The following BLVRB variants were observed in gnomAD, a reference collection of about 807,000 sequenced individuals.
BLVRB encodes the protein flavin reductase (NADPH).
In BLVRB, 25 loss-of-function variants were observed where a neutral mutation model predicts 21.1. That is an observed-to-expected ratio of 1.19 (90% CI 0.86 to 1.66). The LOEUF is 1.66. Ranked by LOEUF, BLVRB falls within the 40% of genes most tolerant of loss-of-function variation. The probability of loss-of-function intolerance (pLI) is 0.00; values close to 1 mark genes in which losing one functional copy is unlikely to be tolerated. For synonymous variants in BLVRB, 128 were observed against 122.2 expected (o/e 1.05, Z -0.31); for missense variants, 274 against 282.7 (o/e 0.97, Z 0.22).
chr19:40,450,761 A>T (rs978533399), intron 4 of BLVRB, among the ~76,000 whole-genome samples: 5 of 150,936 alleles, frequency 3.3e-5, no homozygotes, highest in African/African-American at 1.2e-4. Flanking sequence ...CTGGTCTCAA[A>T]CTCCTGGGCT....
chr19:40,458,505 C>A lies in BLVRB; in HGVS notation c.120G>T (p.Leu40=). 1 of 1,611,612 alleles carries A rather than the reference C, an allele frequency of 6.2e-7. No individual in the cohort carries two copies. Among genetic ancestry groups the A allele is most frequent in the Non-Finnish European group, 8.5e-7 (1 of 1,179,290 alleles). ...GGGCCGGCCGGGGCCCCTCTGATGGCAGCCTGGAGGAGTCCCGCACCAGCA... is the reference window on the plus strand; with the variant it reads ...GGGCCGGCCGGGGCCCCTCTGATGGAAGCCTGGAGGAGTCCCGCACCAGCA... The part of the protein sequence containing the change: ...VTVLVRDSSR[L]PSEGPRPAHV... Residue 40 remains leucine, a synonymous_variant, in exon 2 of 5, where the codon CTG becomes CTT. Coordinates refer to ENST00000263368, the MANE Select transcript of BLVRB (RefSeq NM_000713.3).
At chr19:40,460,762 TG>T (rs1599690800) in intron 1 of BLVRB, among the ~76,000 whole-genome samples, 1 of 152,010 alleles carries the variant, frequency 6.6e-6, no homozygotes, top group Non-Finnish European at 1.5e-5. Context: ...CACCTGAAGT[TG>T]GAAGTCCAAG....
chr19:40,453,666 C>T (rs1405262834), intron 3 of BLVRB, among the ~76,000 whole-genome samples: 1 of 152,178 alleles, frequency 6.6e-6, no homozygotes, highest in Non-Finnish European at 1.5e-5. Context: ...TGGCCAGCTT[C>T]TTGTTTCCTC....
chr19:40,455,169 C>T (rs2079757422), intron 3 of BLVRB, among the ~76,000 whole-genome samples: 1 of 152,090 alleles, frequency 6.6e-6, no homozygotes, highest in African/African-American at 2.4e-5. Flanking sequence ...TCTTTCTAAT[C>T]CTCTCAGATG....
intron 4 of BLVRB, among the ~76,000 whole-genome samples, chr19:40,449,630 TG>T (rs1387287311): frequency 4.6e-5 from 7 of 152,330 alleles, no homozygotes; most frequent in African/African-American, 1.4e-4. Context: ...GAGCATGTTT[TG>T]TGTGCAAATA....
intron 1 of BLVRB, 73 bp from the exon 2 acceptor site, chr19:40,458,618 A>T: frequency 6.8e-7 from 1 of 1,466,482 alleles, no homozygotes; most frequent in Non-Finnish European, 9.1e-7. Context: ...GGGTCCTAGA[A>T]GCCACCATGA....
intron 1 of BLVRB, 109 bp from the exon 2 acceptor site, chr19:40,458,654 T>C: frequency 7.5e-7 from 1 of 1,339,104 alleles, no homozygotes; most frequent in Non-Finnish European, 9.9e-7. Flanking sequence ...CCCTCCTCTG[T>C]TCTGGGGAAG....
Position 40,458,241 on chromosome 19 carries a change from G to C in BLVRB, c.248C>G (p.Pro83Arg). 2 of 1,612,682 alleles carry C rather than the reference G, an allele frequency of 1.2e-6. No individual in the cohort carries two copies. Among genetic ancestry groups the C allele is most frequent in the Non-Finnish European group, 1.7e-6 (2 of 1,179,350 alleles). The change falls in exon 3 of 5, where the codon CCC becomes CGC. Residue 83 changes from proline (P) to arginine (R), a missense_variant. Coordinates refer to ENST00000263368, the MANE Select transcript of BLVRB (RefSeq NM_000713.3). ...VLLGTRNDLS[P>R]TTVMSEGARN... ...GGCGCCCTCGGACATCACTGTCGTGGGACCTTAGAGGGGACAGAGAGTGGC... is the reference window on the plus strand; with the variant it reads ...GGCGCCCTCGGACATCACTGTCGTGCGACCTTAGAGGGGACAGAGAGTGGC...
At chr19:40,452,572 A>C (rs1002490455) in intron 3 of BLVRB, among the ~76,000 whole-genome samples, 1 of 151,892 alleles carries the variant, frequency 6.6e-6, no homozygotes, top group African/African-American at 2.4e-5. Flanking sequence ...CTAATTTAAA[A>C]AATTTTTTTA....
intron 1 of BLVRB, among the ~76,000 whole-genome samples, chr19:40,464,630 A>G (rs534898542): frequency 3.3e-5 from 5 of 152,298 alleles, no homozygotes; most frequent in African/African-American, 1.2e-4. Context: ...AATGCTTATC[A>G]GCAAACTGGT....
intron 3 of BLVRB, among the ~76,000 whole-genome samples, chr19:40,453,473 T>C (rs987574625): frequency 7.9e-5 from 12 of 152,192 alleles, no homozygotes; most frequent in Non-Finnish European, 1.8e-4. Context: ...ACATTGTAGG[T>C]ACTTACTAAA....
intron 1 of BLVRB, among the ~76,000 whole-genome samples, chr19:40,462,278 T>TC (rs55821230): frequency 0.024 from 3,490 of 143,866 alleles, 155 homozygotes; most frequent in Admixed American, 0.11. Flanking sequence ...ATATGGGCAT[T>TC]CTTTTTTTTT....
At chr19:40,455,981 C>T (rs1216017636) in intron 3 of BLVRB, among the ~76,000 whole-genome samples, 6 of 151,482 alleles carry the variant, frequency 4.0e-5, no homozygotes, top group Admixed American at 6.6e-5. Flanking sequence ...CCTTATAACC[C>T]GGTCTCAAAA....
intron 3 of BLVRB, among the ~76,000 whole-genome samples, chr19:40,452,951 T>G (rs1392638723): frequency 5.3e-5 from 8 of 151,738 alleles, no homozygotes; most frequent in Admixed American, 5.2e-4. Context: ...ATCCCAGCTA[T>G]TCTCAGGAAG....
intron 1 of BLVRB, among the ~76,000 whole-genome samples, chr19:40,461,758 C>A (rs923590688): frequency 6.6e-6 from 1 of 152,186 alleles, no homozygotes; most frequent in African/African-American, 2.4e-5. Flanking sequence ...CCTCAGCCCC[C>A]CAAAGTGTTG....
At chr19:40,448,609 ATATAT>A (rs1568735616) in intron 4 of BLVRB, among the ~76,000 whole-genome samples, 361 of 6,232 alleles carry the variant, frequency 0.058, 2 homozygotes, top group African/African-American at 0.13. Flanking sequence ...ACAACAACAA[ATATAT>A]ATATATATAT....
At chr19:40,449,681 T>G (rs10421779) in intron 4 of BLVRB, among the ~76,000 whole-genome samples, 76,386 of 152,012 alleles carry the variant, frequency 0.5, 20,414 homozygotes, top group African/African-American at 0.69. Flanking sequence ...ATTTAGGAGT[T>G]AAGTGCGACA....
rs1270067630 is a variant in BLVRB at position 40,460,227 on chromosome 19, T to TG, written c.80-1683dup. Among the ~76,000 whole-genome samples, 4 of 141,010 alleles carry TG rather than the reference T, an allele frequency of 2.8e-5. No homozygotes were observed. In the Admixed American group the frequency reaches 3.0e-4, roughly 11 times the overall value. 92.5% of individuals were successfully genotyped at this position (141,010 alleles called of 152,430 possible). A position where few individuals can be genotyped will look rare whatever the true frequency, so the allele number is the denominator to read the frequency against. On this transcript the variant is annotated intron_variant, in intron 1 of 4. Coordinates refer to ENST00000263368, the MANE Select transcript of BLVRB (RefSeq NM_000713.3). ...AACATTGGCAAAGGATGTTAACATT[T>TG]GGGTATACTGTAATAGCAACATATA...
intron 4 of BLVRB, among the ~76,000 whole-genome samples, chr19:40,449,783 GGAGA>G (rs147741833): frequency 1.3e-5 from 2 of 151,876 alleles, no homozygotes; most frequent in East Asian, 1.9e-4. Context: ...ATATATTCAT[GGAGA>G]GAGAGAGAGG....
Sources: allele counts gnomAD v4.1 joint callset (sites outside exome capture counted in the v4.1 genomes callset), GRCh38; gene constraint gnomAD v4.1.1; transcripts MANE v1.5; gene names NCBI Gene and HGNC (gene_info 2026-07-23, HGNC 2026-07-21).